SETD3: variants seen among roughly 807,000 people sequenced by gnomAD.
SETD3 encodes the protein actin-histidine N-methyltransferase.
Under a neutral mutation model 63.0 loss-of-function variants are expected in SETD3, and 19 were observed. The observed-to-expected ratio is 0.30, with a 90% CI of 0.21 to 0.44. The LOEUF (loss-of-function observed/expected upper bound fraction) is 0.44, where lower values mean the gene tolerates loss of function less well. Among genes scored for constraint, SETD3 ranks in the 20% least tolerant of loss-of-function variants. The pLI is 1.00. For missense variants in SETD3, 587 were observed against 728.5 expected (o/e 0.81, Z 2.24); for synonymous variants, 286 against 264.1 (o/e 1.08, Z -0.80).
chr14:99,410,797 T>G (rs1353360726), intron 8 of SETD3, among the ~76,000 whole-genome samples: 1 of 152,258 alleles, frequency 6.6e-6, no homozygotes, highest in Non-Finnish European at 1.5e-5. Context: ...TTACTGTTAC[T>G]GACTTGATTC....
chr14:99,405,143 C>T (rs1250824816), intron 10 of SETD3, 62 bp downstream of exon 10: 3 of 1,554,432 alleles, frequency 1.9e-6, no homozygotes, highest in Non-Finnish European at 1.7e-6. Context: ...CAATTAAACA[C>T]TATGCAACTG....
intron 1 of SETD3, among the ~76,000 whole-genome samples, chr14:99,480,407 T>A (rs1317511174): frequency 3.3e-5 from 5 of 151,340 alleles, no homozygotes; most frequent in Admixed American, 1.3e-4. Flanking sequence ...CGAGACCGGG[T>A]GGCGCGGGGC....
chr14:99,449,207 G>C (rs1359719476), intron 6 of SETD3, among the ~76,000 whole-genome samples: 1 of 152,120 alleles, frequency 6.6e-6, no homozygotes, highest in Non-Finnish European at 1.5e-5. Context: ...TCACCACTTG[G>C]CAAACACTAC....
At position 99,397,998 on chromosome 14, in the gene SETD3, G is replaced by C. The variant is rs1025491657; in HGVS notation, c.*681C>G. ...GTCCTACTTTGATTCAAGGAGAAAGGACAAGTTCTTAGTACAGTAAAACAA... is the reference window on the plus strand; with the variant it reads ...GTCCTACTTTGATTCAAGGAGAAAGCACAAGTTCTTAGTACAGTAAAACAA... On this transcript the variant is annotated 3_prime_UTR_variant, in exon 13 of 13. Coordinates refer to ENST00000331768, the MANE Select transcript of SETD3 (RefSeq NM_032233.3). 3.9e-5 allele frequency: 6 copies of C among 152,458 alleles called. No homozygotes were observed. The highest frequency in any genetic ancestry group is 1.4e-4 in the African/African-American group (6 of 41,380). The allele number at this position is 152,458 out of a possible 1,614,324, so 9.4% of individuals were successfully genotyped here.
At chr14:99,409,971 A>C in intron 8 of SETD3, 1 of 402,628 alleles carries the variant, frequency 2.5e-6, no homozygotes, top group Non-Finnish European at 4.5e-6. Context: ...CTTCCATTCT[A>C]ATGGGAGGCG....
intron 6 of SETD3, among the ~76,000 whole-genome samples, chr14:99,439,660 A>AGT (rs1333432763): frequency 6.8e-6 from 1 of 147,874 alleles, no homozygotes; most frequent in Admixed American, 6.8e-5. Context: ...TAAATATGTA[A>AGT]GTATATATAA....
At chr14:99,477,077 C>T (rs1366350683) in intron 1 of SETD3, among the ~76,000 whole-genome samples, 2 of 152,146 alleles carry the variant, frequency 1.3e-5, no homozygotes, top group Non-Finnish European at 2.9e-5. Flanking sequence ...GCTTAGTAAT[C>T]AGTAGATCCC....
intron 2 of SETD3, among the ~76,000 whole-genome samples, chr14:99,464,195 C>G (rs764123027): frequency 6.6e-6 from 1 of 152,276 alleles, no homozygotes; most frequent in Admixed American, 6.5e-5. Context: ...ACCAAAAGAC[C>G]AACACCCGAG....
At chr14:99,466,594 G>A (rs1004764669) in intron 1 of SETD3, among the ~76,000 whole-genome samples, 2 of 139,490 alleles carry the variant, frequency 1.4e-5, no homozygotes, top group African/African-American at 5.5e-5. Flanking sequence ...AAGAAAGTAA[G>A]GGACATGGAT....
At chr14:99,414,694 A>G (rs911374036) in intron 6 of SETD3, among the ~76,000 whole-genome samples, 1 of 152,226 alleles carries the variant, frequency 6.6e-6, no homozygotes, top group Non-Finnish European at 1.5e-5. Flanking sequence ...CCTCCACTTT[A>G]GGCCTTTCAA....
upstream of SETD3, among the ~76,000 whole-genome samples, chr14:99,483,293 A>C (rs1896401296): frequency 6.6e-6 from 1 of 152,138 alleles, no homozygotes; most frequent in South Asian, 2.1e-4. Flanking sequence ...TCACGCTTAT[A>C]ATACCAGTAC....
intron 6 of SETD3, among the ~76,000 whole-genome samples, chr14:99,441,548 G>A (rs1424915458): frequency 1.3e-5 from 2 of 152,236 alleles, no homozygotes; most frequent in Admixed American, 6.5e-5. Context: ...AAAACCGCAC[G>A]CTAGCACAGA....
chr14:99,463,623 C>T (rs1464395462), intron 2 of SETD3, 45 bp from the exon 3 acceptor site: 2 of 1,449,956 alleles, frequency 1.4e-6, no homozygotes, highest in Non-Finnish European at 1.9e-6. Flanking sequence ...TCTCTTTCAA[C>T]TTAACCTACT....
At chr14:99,402,811 G>A (rs1357354238) in intron 11 of SETD3, among the ~76,000 whole-genome samples, 1 of 152,228 alleles carries the variant, frequency 6.6e-6, no homozygotes, top group African/African-American at 2.4e-5. Flanking sequence ...AGGCTGATGG[G>A]ATTAAAACTG....
rs764792533 is a variant in SETD3, at chr14:99,399,700, C to CTA, written c.1338+397_1338+398dup. Among the ~76,000 whole-genome samples the CTA allele has an allele frequency of 1.4e-3, 212 of 149,736 alleles. 1 individual carries two copies. The highest frequency in any genetic ancestry group is 1.6e-3 in the Non-Finnish European group (105 of 67,586). On this transcript the variant is annotated intron_variant, in intron 12 of 12. Coordinates refer to ENST00000331768, the MANE Select transcript of SETD3 (RefSeq NM_032233.3). ...TTTCAAATGCAATCATTTTGCTAAA[C>CTA]TATTACAGTAGTTTAGAATTAACAA...
intron 11 of SETD3, among the ~76,000 whole-genome samples, chr14:99,403,455 A>ACACACTCTCT (rs1416541957): frequency 4.4e-5 from 6 of 135,456 alleles, no homozygotes; most frequent in African/African-American, 1.2e-4. Context: ...ACACACACAC[A>ACACACTCTCT]CTCTCTCTCT....
At chr14:99,475,321 C>T (rs1458249370) in intron 1 of SETD3, among the ~76,000 whole-genome samples, 1 of 152,240 alleles carries the variant, frequency 6.6e-6, no homozygotes, top group African/African-American at 2.4e-5. Flanking sequence ...ATCAGTACTT[C>T]ACCTGATCCA....
At chr14:99,432,858 C>A (rs1354089787) in intron 6 of SETD3, among the ~76,000 whole-genome samples, 1 of 152,150 alleles carries the variant, frequency 6.6e-6, no homozygotes, top group East Asian at 1.9e-4. Context: ...GCCAAAATGT[C>A]TCTATTCCCC....
chr14:99,477,902 G>T (rs1411006228), intron 1 of SETD3, among the ~76,000 whole-genome samples: 1 of 151,892 alleles, frequency 6.6e-6, no homozygotes, highest in East Asian at 1.9e-4. Context: ...TCCAATTTAT[G>T]AATAGAAAAA....
Sources: allele counts gnomAD v4.1 joint callset (sites outside exome capture counted in the v4.1 genomes callset), GRCh38; gene constraint gnomAD v4.1.1; transcripts MANE v1.5; gene names NCBI Gene and HGNC (gene_info 2026-07-23, HGNC 2026-07-21).